TLN2: variants seen among roughly 807,000 people sequenced by gnomAD.
The protein encoded by TLN2 is talin-2.
Under a neutral mutation model 294.7 loss-of-function variants are expected in TLN2, and 118 were observed. The observed-to-expected ratio is 0.40, with a 90% CI of 0.34 to 0.47. TLN2 has a LOEUF of 0.47. Ranked by LOEUF, TLN2 falls within the 20% of genes least tolerant of loss-of-function variation. The pLI, the probability that TLN2 is intolerant of heterozygous loss-of-function variation, is 0.84. For synonymous variants in TLN2, 1,431 were observed against 1,304.5 expected (o/e 1.10, Z -2.09); for missense variants, 3,083 against 3,282.2 (o/e 0.94, Z 1.48).
intron 11 of TLN2, among the ~76,000 whole-genome samples, chr15:62,680,581 C>CT (rs1289855162): frequency 0.013 from 1,869 of 143,876 alleles, 46 homozygotes; most frequent in African/African-American, 0.044. Context: ...CTAAGGGATA[C>CT]TTTTTTTTTT....
intron 1 of TLN2, among the ~76,000 whole-genome samples, chr15:62,520,858 G>A (rs1013317548): frequency 6.6e-6 from 1 of 152,022 alleles, no homozygotes; most frequent in African/African-American, 2.4e-5. Context: ...ATTTTTTAAG[G>A]ACCTTTTAAT....
chr15:62,741,748 CGT>C (rs1555495658), intron 32 of TLN2, among the ~76,000 whole-genome samples: 9 of 131,072 alleles, frequency 6.9e-5, no homozygotes, highest in Non-Finnish European at 1.4e-4. Flanking sequence ...AAAATTTGCG[CGT>C]GTGTGTGTGT....
At chr15:62,811,641 A>G (rs1020086898) in intron 52 of TLN2, among the ~76,000 whole-genome samples, 1 of 152,166 alleles carries the variant, frequency 6.6e-6, no homozygotes, top group African/African-American at 2.4e-5. Flanking sequence ...CAGACGTTAA[A>G]CAGGCAGTTT....
At chr15:62,725,198 T>C in intron 27 of TLN2, 94 bp downstream of exon 27, 1 of 1,486,436 alleles carries the variant, frequency 6.7e-7, no homozygotes, top group Non-Finnish European at 8.9e-7. Flanking sequence ...AGTTGCGGCA[T>C]GTTGAGAAGC....
chr15:62,835,165 G>A (rs1183186440), intron 55 of TLN2: 1 of 153,376 alleles, frequency 6.5e-6, no homozygotes, highest in Non-Finnish European at 1.5e-5. Flanking sequence ...TGTTCTACTT[G>A]TTGCCATGAT....
chr15:62,547,728 T>G (rs78427781), intron 1 of TLN2, among the ~76,000 whole-genome samples: 1 of 152,350 alleles, frequency 6.6e-6, no homozygotes, highest in East Asian at 1.9e-4. Context: ...TCTTGCATCT[T>G]CCTTGGAAGG....
At chr15:62,736,246 G>A (rs2140955994) in intron 28 of TLN2, among the ~76,000 whole-genome samples, 2 of 152,036 alleles carry the variant, frequency 1.3e-5, no homozygotes, top group South Asian at 4.2e-4. Context: ...CGTGAACCTG[G>A]GAGGCAGAGC....
At chr15:62,588,384 C>G (rs939383036) in intron 1 of TLN2, among the ~76,000 whole-genome samples, 1 of 151,020 alleles carries the variant, frequency 6.6e-6, no homozygotes, top group Non-Finnish European at 1.5e-5. Flanking sequence ...ACGTGTAATC[C>G]CAGCACTTTG....
At chr15:62,690,089 G>A (rs1595668957) in intron 12 of TLN2, among the ~76,000 whole-genome samples, 4 of 101,932 alleles carry the variant, frequency 3.9e-5, no homozygotes, top group African/African-American at 4.5e-5. Context: ...GGCCGGCCGG[G>A]CGGGGGGCTG....
chr15:62,762,203 C>T, intron 38 of TLN2, 69 bp from the exon 39 acceptor site: 1 of 1,564,932 alleles, frequency 6.4e-7, no homozygotes, highest in Non-Finnish European at 8.8e-7. Flanking sequence ...AGAACAGGAC[C>T]TTTCAGGGCC....
At chr15:62,774,272 G>A (rs910594875) in intron 42 of TLN2, among the ~76,000 whole-genome samples, 4 of 152,126 alleles carry the variant, frequency 2.6e-5, no homozygotes, top group Admixed American at 6.5e-5. Context: ...CTTTGGAAGC[G>A]GACTTCAGAC....
chr15:62,532,789 C>G (rs1040546050), intron 1 of TLN2, among the ~76,000 whole-genome samples: 1 of 152,102 alleles, frequency 6.6e-6, no homozygotes, highest in African/African-American at 2.4e-5. Context: ...GGTAAGAATT[C>G]CACTTCCCCA....
chr15:62,537,312 G>A (rs774107536), intron 1 of TLN2, among the ~76,000 whole-genome samples: 18 of 152,158 alleles, frequency 1.2e-4, no homozygotes, highest in Non-Finnish European at 1.5e-5. Flanking sequence ...ACCGCGCCCG[G>A]CCTGTCATTG....
intron 16 of TLN2, 63 bp from the exon 17 acceptor site, chr15:62,701,043 C>T: frequency 7.3e-7 from 1 of 1,367,468 alleles, no homozygotes; most frequent in Non-Finnish European, 1.0e-6. Flanking sequence ...TATGGCGGGG[C>T]TTCTCCGGTC....
intron 19 of TLN2, among the ~76,000 whole-genome samples, chr15:62,703,607 A>C (rs2058854473): frequency 1.0e-5 from 1 of 97,396 alleles, no homozygotes; most frequent in Non-Finnish European, 2.1e-5. Flanking sequence ...ACTTCGACAC[A>C]CACACACACA....
In TLN2 at chr15:62,739,334, T is replaced by C; in HGVS notation, c.3688-14T>C. 26 of 1,609,768 alleles carry C rather than the reference T, an allele frequency of 1.6e-5. No homozygotes were observed. Among genetic ancestry groups the C allele is most frequent in the Non-Finnish European group, 2.2e-5 (26 of 1,177,762 alleles). ...GCAGAATGTCTCATGGGGTGTGCCGTCTGTTCCCCACAGCTACCTCCAAGC... is the reference window on the plus strand; with the variant it reads ...GCAGAATGTCTCATGGGGTGTGCCGCCTGTTCCCCACAGCTACCTCCAAGC... On this transcript the variant is annotated splice_polypyrimidine_tract_variant and intron_variant, in intron 30 of 58. Transcript: ENST00000636159.
In TLN2 at chr15:62,841,249, T is replaced by A. The variant is rs1435248638; in HGVS notation, c.*639T>A. ...TCTTGTATTTTGTGGCCCAGAAAAC[T>A]GAACGATTATTTTGTTCCTCCGTAG... On this transcript the variant is annotated 3_prime_UTR_variant, in exon 59 of 59. Coordinates refer to ENST00000636159, the MANE Select transcript of TLN2 (RefSeq NM_015059.3). The A allele has an allele frequency of 6.5e-6, 1 of 152,754 alleles. No individual in the cohort carries two copies. Among genetic ancestry groups the A allele is most frequent in the Non-Finnish European group, 1.5e-5 (1 of 68,150 alleles). 9.5% of individuals were successfully genotyped at this position (152,754 alleles called of 1,614,324 possible).
intron 1 of TLN2, among the ~76,000 whole-genome samples, chr15:62,582,610 C>A (rs1197659771): frequency 1.3e-5 from 2 of 152,084 alleles, no homozygotes; most frequent in African/African-American, 4.8e-5. Context: ...GGCATCAAAG[C>A]CCTCTTAGGG....
At chr15:62,714,819 A>G (rs1438782406) in intron 22 of TLN2, among the ~76,000 whole-genome samples, 1 of 152,128 alleles carries the variant, frequency 6.6e-6, no homozygotes, top group African/African-American at 2.4e-5. Flanking sequence ...TTAGTACCCC[A>G]TATCTGATAC....
Sources: gnomAD v4.1 joint callset for allele counts (sites outside exome capture counted in the v4.1 genomes callset) on GRCh38, gnomAD v4.1.1 for gene constraint, MANE v1.5 for transcripts, NCBI Gene and HGNC (gene_info 2026-07-23, HGNC 2026-07-21) for gene names.